Variants in MROH2A observed in about 807,000 individuals in gnomAD.
MROH2A encodes maestro heat-like repeat-containing protein family member 2A.
Under a neutral mutation model 200.4 loss-of-function variants are expected in MROH2A, and 174 were observed. The ratio of observed to expected loss-of-function variants is 0.87; its 90% CI spans 0.77 to 0.98. MROH2A has a LOEUF of 0.98. MROH2A is among the 50% of genes least tolerant of loss of function. MROH2A has a pLI of 0.00. For missense variants in MROH2A, 2,045 were observed against 2,139.6 expected (o/e 0.96, Z 0.87); for synonymous variants, 829 against 840.4 (o/e 0.99, Z 0.23).
chr2:233,788,782 A>T (rs988423911), intron 3 of MROH2A, among the ~76,000 whole-genome samples: 9 of 150,776 alleles, frequency 6.0e-5, no homozygotes, highest in Non-Finnish European at 1.3e-4. Flanking sequence ...CTAAAAATAC[A>T]AAAAAAATTA....
chr2:233,803,241 C>T (rs1033959632), intron 15 of MROH2A, among the ~76,000 whole-genome samples: 15 of 152,218 alleles, frequency 9.9e-5, no homozygotes, highest in Admixed American at 5.2e-4. Context: ...CCCATTAGCA[C>T]GATTCTCCCC....
In MROH2A at chr2:233,828,330, G is replaced by A. The variant is rs1287888462; in HGVS notation, c.4114-300G>A. Among the ~76,000 whole-genome samples, 4 of 152,174 alleles carry A rather than the reference G, an allele frequency of 2.6e-5. No homozygotes were observed. The highest frequency in any genetic ancestry group is 4.4e-5 in the Non-Finnish European group (3 of 68,032). On this transcript the variant is annotated intron_variant, in intron 35 of 41. Coordinates refer to ENST00000389758, the MANE Select transcript of MROH2A (RefSeq NM_001394639.1). The surrounding 1 kb of genome is among the most constrained non-coding windows in gnomAD (Gnocchi z 4.6). The stretch of plus-strand genomic sequence containing the variant: ...TGCCTTTCTGTTCAGATGCAGGTGG[G>A]CGTGGCTCTTGCATTTGGCAGTGGC...
chr2:233,781,220 A>G (rs971954028), intron 3 of MROH2A, among the ~76,000 whole-genome samples: 4 of 152,216 alleles, frequency 2.6e-5, no homozygotes, highest in Admixed American at 2.0e-4. Context: ...TCTCTTAGAT[A>G]TATTGACTTC....
intron 24 of MROH2A, 37 bp from the exon 25 acceptor site, chr2:233,813,633 A>G: frequency 7.4e-7 from 1 of 1,354,118 alleles, no homozygotes; most frequent in Non-Finnish European, 1.0e-6. Context: ...TCAACTCCCC[A>G]ATGACTGTTC....
rs1704527317 is a variant in MROH2A, at chr2:233,828,986, AC to A, written c.4362del (p.Lys1455ArgfsTer35). ...SVTAEGMEAL[T>X]KILAELREGD... ...GACTGCCGAGGGCATGGAGGCCCTG[AC>A]CAAGATCCTGGCTGAGCTCCGGGAA... On this transcript the variant is annotated frameshift_variant, in exon 37 of 42. Transcript: ENST00000389758. LOFTEE classifies it high-confidence loss of function. This position sits in a 1 kb window ranked among gnomAD's most constrained non-coding sequence, Gnocchi z 4.6. 6.4e-7 allele frequency: 1 copy of A among 1,550,464 alleles called. No individual in the cohort carries two copies. The highest frequency in any genetic ancestry group is 8.7e-7 in the Non-Finnish European group (1 of 1,146,954).
chr2:233,831,273 A>T, intron 38 of MROH2A, 136 bp from the exon 39 acceptor site: 1 of 1,122,996 alleles, frequency 8.9e-7, no homozygotes, highest in East Asian at 2.9e-5. Flanking sequence ...GTGGCCTCCC[A>T]GGAGCCACCA....
intron 14 of MROH2A, among the ~76,000 whole-genome samples, chr2:233,801,877 G>T (rs1269094827): frequency 6.6e-6 from 1 of 152,206 alleles, no homozygotes; most frequent in Admixed American, 6.5e-5. Flanking sequence ...GATGAGAAGG[G>T]TTTGATGAGT....
At chr2:233,783,692 C>T (rs986027457) in intron 3 of MROH2A, among the ~76,000 whole-genome samples, 31 of 152,098 alleles carry the variant, frequency 2.0e-4, no homozygotes, top group African/African-American at 6.0e-4. Context: ...ATTACAGGCA[C>T]GCACCACCAT....
intron 3 of MROH2A, among the ~76,000 whole-genome samples, chr2:233,783,526 A>G (rs1001815175): frequency 1.1e-4 from 17 of 151,366 alleles, no homozygotes; most frequent in Non-Finnish European, 2.1e-4. Flanking sequence ...TAACTCTAAT[A>G]ACTCTAATAA....
chr2:233,831,158 C>T (rs796722533), intron 38 of MROH2A, among the ~76,000 whole-genome samples: 2 of 152,148 alleles, frequency 1.3e-5, no homozygotes, highest in African/African-American at 4.8e-5. Context: ...GCTGAGGGCA[C>T]GAAGGTGCTG....
Position 233,802,247 on chromosome 2 carries a change from C to G in MROH2A, c.1640C>G (p.Thr547Arg). 1 of 1,550,582 alleles carries G rather than the reference C, an allele frequency of 6.4e-7. No individual in the cohort carries two copies. The highest frequency in any genetic ancestry group is 8.7e-7 in the Non-Finnish European group (1 of 1,146,908). Residue 547 changes from threonine to arginine, a missense_variant, in exon 15 of 42, where the codon ACA becomes AGA. Physicochemically the swap from Thr to Arg is moderately conservative, Grantham distance 71. Coordinates refer to ENST00000389758, the MANE Select transcript of MROH2A (RefSeq NM_001394639.1). Reference protein sequence around the residue: ...EALTPICISLTNLAEHQLHGQ... With the variant: ...EALTPICISLRNLAEHQLHGQ... Reference sequence around the variant, plus strand: ...TTGACTCCTATCTGTATCAGCCTCACAAACCTGGCAGAACACCAGCTCCAT... The same window carrying G: ...TTGACTCCTATCTGTATCAGCCTCAGAAACCTGGCAGAACACCAGCTCCAT...
In MROH2A at chr2:233,794,447, T is replaced by C. The variant is rs757592602; in HGVS notation, c.907T>C (p.Tyr303His). The C allele has an allele frequency of 7.6e-5, 118 of 1,550,374 alleles. No individual in the cohort carries two copies. Among genetic ancestry groups the C allele is most frequent in the Middle Eastern group, 5.0e-4 (3 of 6,014 alleles). The change falls in exon 8 of 42, where the codon TAC (tyrosine) becomes CAC (histidine). Residue 303 changes from tyrosine to histidine, a missense_variant. Physicochemically the swap from Tyr to His is moderately conservative, Grantham distance 83 (BLOSUM62 2). This residue lies in a region of MROH2A where 831 missense variants were observed against 800.0 expected (regional missense o/e 1.04). Coordinates refer to ENST00000389758, the MANE Select transcript of MROH2A (RefSeq NM_001394639.1). ...TGACCTGCGGGAGCAGGTCTACGACTACATCCCCCTGCTGCTGGCGGAGTA... is the reference window on the plus strand; with the variant it reads ...TGACCTGCGGGAGCAGGTCTACGACCACATCCCCCTGCTGCTGGCGGAGTA... ...NDDLREQVYD[Y>H]IPLLLAEYQG...
At chr2:233,825,777 C>A (rs1559482721) in intron 35 of MROH2A, among the ~76,000 whole-genome samples, 2 of 151,652 alleles carry the variant, frequency 1.3e-5, no homozygotes, top group Admixed American at 1.3e-4. Context: ...CTGAAGTTTT[C>A]TTTTTTTTGT....
At chr2:233,800,677 T>C (rs1262491836) in intron 14 of MROH2A, among the ~76,000 whole-genome samples, 1 of 151,962 alleles carries the variant, frequency 6.6e-6, no homozygotes, top group African/African-American at 2.4e-5. Flanking sequence ...AGACCAATGA[T>C]TTTCATGGTT....
chr2:233,814,491 C>A, intron 25 of MROH2A, 91 bp from the exon 26 acceptor site: 2 of 847,112 alleles, frequency 2.4e-6, no homozygotes, highest in Admixed American at 2.3e-5. Flanking sequence ...TGGATGACTG[C>A]CAGACCCCTC....
intron 39 of MROH2A, 42 bp from the exon 40 acceptor site, chr2:233,832,135 G>A (rs1406567550): frequency 6.8e-7 from 1 of 1,467,812 alleles, no homozygotes. Context: ...CATTGTCAGG[G>A]TCTCATCCTC....
Position 233,820,188 on chromosome 2 carries a change from T to C in MROH2A, c.3512+132T>C. ...CCCACCCTGAAGGAGGTCGAAGCCC[T>C]CTTCCTGTACCTCCTGCAGGAGGTG... On this transcript the variant is annotated intron_variant, in intron 31 of 41. Transcript: ENST00000389758. This position sits in a 1 kb window ranked among gnomAD's most constrained non-coding sequence, Gnocchi z 4.1. The C allele has an allele frequency of 3.9e-6, 3 of 764,500 alleles. No individual in the cohort carries two copies. Among genetic ancestry groups the C allele is most frequent in the Non-Finnish European group, 5.7e-6 (3 of 524,262 alleles). 47.4% of individuals were successfully genotyped at this position (764,500 alleles called of 1,614,324 possible). A position where few individuals can be genotyped will look rare whatever the true frequency, so the allele number is the denominator to read the frequency against.
In MROH2A at chr2:233,807,431, G is replaced by C. The variant is rs1702871887; in HGVS notation, c.2061G>C (p.Leu687=). The C allele has an allele frequency of 6.5e-7, 1 of 1,550,332 alleles. No homozygotes were observed. Among genetic ancestry groups the C allele is most frequent in the Non-Finnish European group, 8.7e-7 (1 of 1,146,934 alleles). The stretch of plus-strand genomic sequence containing the variant: ...CCCTTCTGCCTCTCCAGGGCTTTCT[G>C]TACCGGGCCTTGGGCTTCACCTTGG... The part of the protein sequence containing the change: ...FDSPSLEKGF[L]YRALGFTLAT... Residue 687 remains leucine, a synonymous_variant, in exon 20 of 42, where the codon CTG becomes CTC. Coordinates refer to ENST00000389758, the MANE Select transcript of MROH2A (RefSeq NM_001394639.1). This position sits in a 1 kb window ranked among gnomAD's most constrained non-coding sequence, Gnocchi z 4.3.
chr2:233,832,576 T>G lies in MROH2A; in HGVS notation c.4838-3T>G. 1 of 1,546,572 alleles carries G rather than the reference T, an allele frequency of 6.5e-7. No homozygotes were observed. Among genetic ancestry groups the G allele is most frequent in the Non-Finnish European group, 8.7e-7 (1 of 1,143,310 alleles). ...ATGAGCATTTCTTTGGCTATTGTTTTAGGAATTATTATGAAGCAGATGTCT... is the reference window on the plus strand; with the variant it reads ...ATGAGCATTTCTTTGGCTATTGTTTGAGGAATTATTATGAAGCAGATGTCT... On this transcript the variant is annotated splice_region_variant and splice_polypyrimidine_tract_variant and intron_variant, in intron 40 of 41. Transcript: ENST00000389758.
Sources: allele counts gnomAD v4.1 joint callset (sites outside exome capture counted in the v4.1 genomes callset), GRCh38; gene constraint gnomAD v4.1.1; regional missense constraint gnomAD v4.1.1; non-coding constraint Gnocchi (gnomAD v3.1); transcripts MANE v1.5; gene names NCBI Gene and HGNC (gene_info 2026-07-23, HGNC 2026-07-21).